ZFHX3: variants seen among roughly 807,000 people sequenced by gnomAD.
ZFHX3 encodes zinc finger homeobox 3.
Under a neutral mutation model 279.1 loss-of-function variants are expected in ZFHX3, and 42 were observed. The observed-to-expected ratio is 0.15, with a 90% confidence interval of 0.12 to 0.19. The LOEUF is 0.19. Among genes scored for constraint, ZFHX3 ranks in the 10% least tolerant of loss-of-function variants. ZFHX3 has a pLI of 1.00. For synonymous variants in ZFHX3, 2,293 were observed against 1,957.8 expected (o/e 1.17, Z -4.52); for missense variants, 4,981 against 4,754.0 (o/e 1.05, Z -1.40).
At chr16:73,599,345 C>G (rs1330407734) in intron 2 of ZFHX3, among the ~76,000 whole-genome samples, 2 of 152,198 alleles carry the variant, frequency 1.3e-5, no homozygotes, top group Non-Finnish European at 2.9e-5. Flanking sequence ...ACAATCTATC[C>G]AAGAAAAGTC....
chr16:73,753,737 T>C (rs1003755770), intron 1 of ZFHX3, among the ~76,000 whole-genome samples: 10 of 152,128 alleles, frequency 6.6e-5, no homozygotes, highest in African/African-American at 2.2e-4. Flanking sequence ...TCGCCTGTCC[T>C]GCATCAAGTT....
intron 2 of ZFHX3, among the ~76,000 whole-genome samples, chr16:73,567,355 C>T (rs981642905): frequency 2.6e-5 from 4 of 152,194 alleles, no homozygotes; most frequent in African/African-American, 9.6e-5. Flanking sequence ...GCATTCACAA[C>T]TTTTCTTCCT....
chr16:73,238,607 CTA>C (rs1184490078), intron 5 of ZFHX3, among the ~76,000 whole-genome samples: 1 of 152,156 alleles, frequency 6.6e-6, no homozygotes, highest in Non-Finnish European at 1.5e-5. Context: ...CTTCTCTGTA[CTA>C]TGTCTAATTG....
intron 3 of ZFHX3, among the ~76,000 whole-genome samples, chr16:72,918,373 T>C (rs1032629187): frequency 1.3e-5 from 2 of 152,234 alleles, no homozygotes; most frequent in Non-Finnish European, 2.9e-5. Flanking sequence ...GCTTATGGCA[T>C]CTTCATACAA....
chr16:73,725,540 A>AGTGAGT (rs147139764), intron 1 of ZFHX3, among the ~76,000 whole-genome samples: 6,821 of 148,248 alleles, frequency 0.046, 158 homozygotes, highest in African/African-American at 0.058. Flanking sequence ...AGTGTGAGTG[A>AGTGAGT]GTGTGTGTGT....
At chr16:73,756,175 A>G (rs534586303) in intron 1 of ZFHX3, among the ~76,000 whole-genome samples, 11 of 152,360 alleles carry the variant, frequency 7.2e-5, no homozygotes, top group Admixed American at 6.5e-4. Flanking sequence ...CCAGGTTAAG[A>G]TAAAAGTCCA....
At chr16:73,520,272 T>A (rs2019589137) in intron 2 of ZFHX3, among the ~76,000 whole-genome samples, 1 of 152,224 alleles carries the variant, frequency 6.6e-6, no homozygotes, top group African/African-American at 2.4e-5. Flanking sequence ...AATCTCATTT[T>A]CTGAACTTTC....
At chr16:73,175,763 A>G (rs1793564270) in intron 5 of ZFHX3, among the ~76,000 whole-genome samples, 1 of 152,146 alleles carries the variant, frequency 6.6e-6, no homozygotes, top group Admixed American at 6.5e-5. Context: ...TTAACTCTTT[A>G]GAGATCTTCT....
At chr16:73,845,691 T>C (rs1206603393) in intron 1 of ZFHX3, among the ~76,000 whole-genome samples, 1 of 152,220 alleles carries the variant, frequency 6.6e-6, no homozygotes, top group Non-Finnish European at 1.5e-5. Flanking sequence ...TGCGTTGTCA[T>C]GGATCAAAAC....
rs368349666 is a variant in ZFHX3 at position 73,158,010 on chromosome 16, G to GA, written c.-1103-14180dup. 1.9e-3 allele frequency among the ~76,000 whole-genome samples: 285 copies of GA among 148,304 alleles called. 7 individuals are homozygous for GA. The South Asian group carries it at 0.039, about 20-fold the overall frequency. ...CAATGGAAACCATGTTTGGATCCAG[G>GA]AAAAAAAAAATGAGACAGGAAAGGG... On this transcript the variant is annotated intron_variant, in intron 5 of 17. Coordinates refer to the ZFHX3 transcript ENST00000641206.
At position 72,811,699 on chromosome 16, in the gene ZFHX3, C is replaced by T. The variant is rs1303587779; in HGVS notation, c.3742G>A (p.Val1248Met). ...AGGGGGCAGCGAAGCATGGGTTGCACCGAGTGCTGCGTCATGGCATGCACC... is the reference window on the plus strand; with the variant it reads ...AGGGGGCAGCGAAGCATGGGTTGCATCGAGTGCTGCGTCATGGCATGCACC... ...LRVHAMTQHS[V>M]QPMLRCPLCQ... The change falls in exon 7 of 10, where the codon GTG (valine) becomes ATG (methionine). Residue 1248 changes from valine (V) to methionine (M), a missense_variant. Transcript: ENST00000268489. 6.2e-7 allele frequency: 1 copy of T among 1,613,942 alleles called. No homozygotes were observed. The highest frequency in any genetic ancestry group is 1.3e-5 in the African/African-American group (1 of 74,924).
intron 3 of ZFHX3, among the ~76,000 whole-genome samples, chr16:73,330,351 T>C (rs904915869): frequency 6.6e-5 from 10 of 152,248 alleles, no homozygotes; most frequent in Admixed American, 1.3e-4. Flanking sequence ...AGTCAGGTTC[T>C]GGTTAATATG....
At chr16:73,005,610 A>C (rs1440010879) in intron 1 of ZFHX3, 1 of 152,212 alleles carries the variant, frequency 6.6e-6, no homozygotes, top group East Asian at 1.9e-4. Flanking sequence ...TAGCTAACAC[A>C]GGGAAATCCC....
At chr16:73,467,664 GT>G (rs1303087250) in intron 2 of ZFHX3, among the ~76,000 whole-genome samples, 1 of 152,102 alleles carries the variant, frequency 6.6e-6, no homozygotes, top group East Asian at 1.9e-4. Context: ...GTTTTATTTT[GT>G]TTTGTTTTAA....
At chr16:73,286,753 G>A (rs927601765) in intron 4 of ZFHX3, among the ~76,000 whole-genome samples, 7 of 150,312 alleles carry the variant, frequency 4.7e-5, no homozygotes, top group South Asian at 2.1e-4. Context: ...GTTGGTGTGT[G>A]GCTAAGTGGG....
At chr16:73,351,966 G>T (rs936209672) in intron 3 of ZFHX3, among the ~76,000 whole-genome samples, 3 of 152,212 alleles carry the variant, frequency 2.0e-5, no homozygotes, top group African/African-American at 4.8e-5. Context: ...CCATTATAAA[G>T]GGTATGAGAA....
intron 1 of ZFHX3, among the ~76,000 whole-genome samples, chr16:73,879,256 A>ATC (rs1434527977): frequency 6.7e-6 from 1 of 150,242 alleles, no homozygotes; most frequent in African/African-American, 2.4e-5. Context: ...AATAGGAAAG[A>ATC]CTACCATCGT....
At chr16:73,026,673 C>CAAAAAAAAAAAAAAAA (rs10561679) in intron 1 of ZFHX3, among the ~76,000 whole-genome samples, 13 of 79,594 alleles carry the variant, frequency 1.6e-4, no homozygotes, top group Non-Finnish European at 2.6e-4. Flanking sequence ...AAAACTGCCT[C>CAAAAAAAAAAAAAAAA]AAAAAAAAAA....
intron 2 of ZFHX3, among the ~76,000 whole-genome samples, chr16:73,675,576 T>C (rs2052946218): frequency 6.6e-6 from 1 of 152,196 alleles, no homozygotes; most frequent in South Asian, 2.1e-4. Context: ...ATAGAACTTA[T>C]TGTTTTAGCA....
Sources: gnomAD v4.1 joint callset for allele counts (sites outside exome capture counted in the v4.1 genomes callset) on GRCh38, gnomAD v4.1.1 for gene constraint, MANE v1.5 for transcripts, NCBI Gene and HGNC (gene_info 2026-07-23, HGNC 2026-07-21) for gene names.